Variants in ADAMTSL3 observed in about 807,000 individuals in gnomAD.
The protein encoded by ADAMTSL3 is ADAMTS like 3, also known as ADAMTS-like protein 3.
A neutral mutation model predicts 201.7 loss-of-function variants in ADAMTSL3; 128 were observed. The observed-to-expected ratio is 0.63, with a 90% CI of 0.55 to 0.73. The LOEUF is 0.73. Ranked by LOEUF, ADAMTSL3 falls within the 30% of genes least tolerant of loss-of-function variation. The pLI, the probability that ADAMTSL3 is intolerant of heterozygous loss-of-function variation, is 0.00. For synonymous variants in ADAMTSL3, 738 were observed against 748.4 expected, an observed-to-expected ratio of 0.99 and a Z score of 0.23; for missense variants, 1,990 against 2,119.6, an observed-to-expected ratio of 0.94 and a Z score of 1.20.
At chr15:83,850,802 G>T (rs2064596841) in intron 7 of ADAMTSL3, among the ~76,000 whole-genome samples, 1 of 152,162 alleles carries the variant, frequency 6.6e-6, no homozygotes. Flanking sequence ...AAAATCCTCT[G>T]CCTCACAGGA....
intron 2 of ADAMTSL3, among the ~76,000 whole-genome samples, chr15:83,658,454 T>C (rs968669520): frequency 8.5e-5 from 13 of 152,216 alleles, no homozygotes; most frequent in Admixed American, 3.9e-4. Context: ...TAAACTCTTA[T>C]ATTCACTGCC....
Position 83,885,190 on chromosome 15 carries a change from C to T in ADAMTSL3, c.1050C>T (p.Pro350=). ...SHQWRQTDFF[P]CTVTCGGGYQ... is the part of the protein sequence containing the mutation. ...AGTGGAGACAAACTGACTTCTTTCCCTGCACTGTGACGTGTGGAGGAGGTG... is the reference window on the plus strand; with the variant it reads ...AGTGGAGACAAACTGACTTCTTTCCTTGCACTGTGACGTGTGGAGGAGGTG... The change falls in exon 10 of 30, where the codon CCC becomes CCT. Residue 350 remains proline (P), a synonymous_variant. Coordinates refer to ENST00000286744, the MANE Select transcript of ADAMTSL3 (RefSeq NM_207517.3). 6.2e-7 allele frequency: 1 copy of T among 1,613,786 alleles called. No individual in the cohort carries two copies. Among genetic ancestry groups the T allele is most frequent in the Admixed American group, 1.7e-5 (1 of 60,002 alleles).
At chr15:83,956,844 T>C (rs2066872454) in intron 19 of ADAMTSL3, among the ~76,000 whole-genome samples, 1 of 152,214 alleles carries the variant, frequency 6.6e-6, no homozygotes, top group Non-Finnish European at 1.5e-5. Context: ...TCTTCTACTC[T>C]AAATAGGCCT....
At chr15:83,858,541 T>G (rs1399326182) in intron 7 of ADAMTSL3, among the ~76,000 whole-genome samples, 1 of 152,096 alleles carries the variant, frequency 6.6e-6, no homozygotes, top group Non-Finnish European at 1.5e-5. Context: ...CCTGGTTAAT[T>G]TTTGTATTTT....
chr15:83,777,496 G>A (rs1054552483), intron 4 of ADAMTSL3, among the ~76,000 whole-genome samples: 32 of 152,246 alleles, frequency 2.1e-4, no homozygotes, highest in African/African-American at 4.8e-4. Flanking sequence ...CCAGGTATTG[G>A]GAGCTGAGTG....
At chr15:83,724,911 T>G (rs1053453259) in intron 3 of ADAMTSL3, among the ~76,000 whole-genome samples, 1 of 152,144 alleles carries the variant, frequency 6.6e-6, no homozygotes, top group Non-Finnish European at 1.5e-5. Context: ...TGAAGAGTAC[T>G]CCATTGTGTA....
At chr15:83,847,907 T>A (rs2064532592) in intron 7 of ADAMTSL3, among the ~76,000 whole-genome samples, 1 of 152,124 alleles carries the variant, frequency 6.6e-6, no homozygotes, top group African/African-American at 2.4e-5. Context: ...ATTATCTCAT[T>A]TTAAAAAATG....
chr15:83,798,248 A>G (rs977995589), intron 4 of ADAMTSL3, among the ~76,000 whole-genome samples: 5 of 152,182 alleles, frequency 3.3e-5, no homozygotes, highest in African/African-American at 1.2e-4. Context: ...CTTAGCCTAC[A>G]TTCTGAAATT....
chr15:84,025,049 G>C (rs567337773), intron 26 of ADAMTSL3, among the ~76,000 whole-genome samples, 189 bp from the exon 27 acceptor site: 1 of 152,294 alleles, frequency 6.6e-6, no homozygotes, highest in Admixed American at 6.5e-5. Context: ...TGATGACACT[G>C]TTTCTCCCGA....
intron 17 of ADAMTSL3, among the ~76,000 whole-genome samples, chr15:83,930,661 A>G (rs1275484265): frequency 6.6e-6 from 1 of 152,232 alleles, no homozygotes; most frequent in Non-Finnish European, 1.5e-5. Flanking sequence ...TTGCAAAATT[A>G]AGAGTCTGTT....
intron 25 of ADAMTSL3, among the ~76,000 whole-genome samples, chr15:84,020,608 G>C (rs2068184699): frequency 6.6e-6 from 1 of 152,220 alleles, no homozygotes; most frequent in South Asian, 2.1e-4. Flanking sequence ...CTATGTGAGA[G>C]AGCCTGTGGA....
chr15:83,666,454 A>T (rs2061249129), intron 2 of ADAMTSL3, among the ~76,000 whole-genome samples: 1 of 152,206 alleles, frequency 6.6e-6, no homozygotes, highest in African/African-American at 2.4e-5. Context: ...CTATAAGATT[A>T]AGGAAATTTT....
chr15:83,779,436 T>C (rs1184300341), intron 4 of ADAMTSL3, among the ~76,000 whole-genome samples: 1 of 152,104 alleles, frequency 6.6e-6, no homozygotes, highest in Non-Finnish European at 1.5e-5. Context: ...CAGTGGCTCA[T>C]GCCTGTAATC....
At chr15:83,875,732 G>A (rs931070228) in intron 9 of ADAMTSL3, among the ~76,000 whole-genome samples, 2 of 152,128 alleles carry the variant, frequency 1.3e-5, no homozygotes, top group African/African-American at 4.8e-5. Context: ...GCAGTGAGCC[G>A]AGATTGCACA....
chr15:83,828,732 A>G (rs1015226660), intron 6 of ADAMTSL3, among the ~76,000 whole-genome samples: 10 of 152,144 alleles, frequency 6.6e-5, no homozygotes, highest in African/African-American at 2.2e-4. Context: ...AGTTTTTAGC[A>G]TGAAGGTTGT....
At chr15:83,785,762 C>G (rs1440415494) in intron 4 of ADAMTSL3, among the ~76,000 whole-genome samples, 2 of 151,884 alleles carry the variant, frequency 1.3e-5, no homozygotes, top group Admixed American at 1.3e-4. Context: ...CTGTCTTTCA[C>G]ATTTATCATG....
intron 6 of ADAMTSL3, among the ~76,000 whole-genome samples, chr15:83,830,794 G>A (rs1381229580): frequency 2.0e-5 from 3 of 152,170 alleles, no homozygotes; most frequent in African/African-American, 7.2e-5. Context: ...CCAGCTTCTG[G>A]TGCTGGAATT....
At chr15:83,834,980 A>G (rs1467727756) in intron 6 of ADAMTSL3, among the ~76,000 whole-genome samples, 1 of 152,152 alleles carries the variant, frequency 6.6e-6, no homozygotes, top group Middle Eastern at 3.2e-3. Context: ...CACGCTTGTA[A>G]TCCCAGCACT....
At chr15:83,802,161 A>G (rs139369344) in intron 4 of ADAMTSL3, among the ~76,000 whole-genome samples, 92 of 152,302 alleles carry the variant, frequency 6.0e-4, no homozygotes, top group African/African-American at 2.2e-3. Context: ...CATGCATCCA[A>G]CTAATTAAAT....
Sources: allele counts gnomAD v4.1 joint callset (sites outside exome capture counted in the v4.1 genomes callset), GRCh38; gene constraint gnomAD v4.1.1; transcripts MANE v1.5; gene names NCBI Gene and HGNC (gene_info 2026-07-23, HGNC 2026-07-21).